Variants in OTX1 observed in about 807,000 individuals in gnomAD.
OTX1 encodes the protein orthodenticle homeobox 1.
In OTX1, 7 loss-of-function variants were observed where a neutral mutation model predicts 26.7. That is an observed-to-expected ratio of 0.26 (90% confidence interval 0.15 to 0.49). The LOEUF (loss-of-function observed/expected upper bound fraction) is 0.49. OTX1 is among the 20% of genes least tolerant of loss of function. The pLI is 0.98. For missense variants in OTX1, 414 were observed against 483.8 expected (o/e 0.86, Z 1.35); for synonymous variants, 216 against 212.8 (o/e 1.01, Z -0.13).
chr2:63,056,190 T>A lies in OTX1; in HGVS notation c.939T>A (p.Ser313=). ...GTGGCTCTGGGCTTGCCTTCAACTC[T>A]GCCGACTGCTTGGATTACAAGGAGC... The part of the protein sequence containing the change: ...GYGGSGLAFN[S]ADCLDYKEPG... Residue 313 remains serine (S), a synonymous_variant, in exon 5 of 5, where the codon TCT becomes TCA. Transcript: ENST00000282549. 1 of 1,614,088 alleles carries A rather than the reference T, an allele frequency of 6.2e-7. No homozygotes were observed. Among genetic ancestry groups the A allele is most frequent in the Non-Finnish European group, 8.5e-7 (1 of 1,180,014 alleles).
At chr2:63,050,490 G>A (rs555606909), upstream of OTX1, among the ~76,000 whole-genome samples, 18 of 152,288 alleles carry the variant, frequency 1.2e-4, no homozygotes, top group South Asian at 2.7e-3. Flanking sequence ...CCGGAGCGCC[G>A]AGAGCGCGAG....
intron 4 of OTX1, 129 bp downstream of exon 4, chr2:63,054,327 C>G (rs1379807864): frequency 2.3e-6 from 2 of 870,382 alleles, no homozygotes; most frequent in African/African-American, 1.8e-5. Flanking sequence ...TGGGCAGCCG[C>G]TCTCGGACTC....
chr2:63,053,713 TGTGTGCGTGTGTGTGC>T (rs2062043852), intron 3 of OTX1, among the ~76,000 whole-genome samples: 2 of 151,950 alleles, frequency 1.3e-5, no homozygotes, highest in East Asian at 1.9e-4. Flanking sequence ...CCAGAGTGTG[TGTGTGCGTGTGTGTGC>T]GTGTGCGTGT....
rs1234043060 is a variant in OTX1, at chr2:63,055,549, G to A, written c.298G>A (p.Gly100Arg). Residue 100 changes from glycine to arginine, a missense_variant, in exon 5 of 5, where the codon GGG becomes AGG. Physicochemically the swap from Gly to Arg is moderately radical, Grantham distance 125. Around this residue, in one of 3 missense-constraint regions of OTX1, gnomAD observed 320 missense variants for 347.9 expected, o/e 0.92. Transcript: ENST00000282549. The surrounding 1 kb of genome is among the most constrained non-coding windows in gnomAD (Gnocchi z 5.2). The part of the protein sequence containing the change: ...RAKCRQQQQS[G>R]SGTKSRPAKK... ...CAAATGCCGCCAGCAGCAGCAGAGC[G>A]GGAGCGGAACCAAGAGCCGCCCAGC... is the stretch of plus-strand genomic sequence containing the variant. 2 of 1,614,130 alleles carry A rather than the reference G, an allele frequency of 1.2e-6. No homozygotes were observed. The highest frequency in any genetic ancestry group is 1.7e-5 in the Admixed American group (1 of 60,022).
In OTX1 at chr2:63,055,585, T is replaced by A; in HGVS notation, c.334T>A (p.Ser112Thr). The A allele has an allele frequency of 6.2e-7, 1 of 1,613,940 alleles. No individual in the cohort carries two copies. The stretch of plus-strand genomic sequence containing the variant: ...CAAGAGCCGCCCAGCCAAGAAGAAG[T>A]CCTCTCCAGTGCGGGAGAGCTCGGG... ...GTKSRPAKKK[S>T]SPVRESSGSE... The change falls in exon 5 of 5, where the codon TCC becomes ACC. Residue 112 changes from serine to threonine, a missense_variant. By Grantham distance (58) the Ser-to-Thr change is moderately conservative. This residue lies in a region of OTX1 where 320 missense variants were observed against 347.9 expected (regional missense o/e 0.92). Transcript: ENST00000282549. The surrounding 1 kb of genome is among the most constrained non-coding windows in gnomAD (Gnocchi z 5.2).
Position 63,054,088 on chromosome 2 carries a change from C to G in OTX1, c.139C>G (p.Arg47Gly). The G allele has an allele frequency of 6.2e-7, 1 of 1,612,086 alleles. No individual in the cohort carries two copies. Among genetic ancestry groups the G allele is most frequent in the Admixed American group, 1.7e-5 (1 of 59,870 alleles). The change falls in exon 4 of 5, where the codon CGT becomes GGT. Residue 47 changes from arginine (R) to glycine (G), a missense_variant. Transcript: ENST00000282549. ...GCGGCGGGAGCGCACCACCTTCACGCGTTCACAGCTGGACGTGCTCGAGGC... is the reference window on the plus strand; with the variant it reads ...GCGGCGGGAGCGCACCACCTTCACGGGTTCACAGCTGGACGTGCTCGAGGC... ...KQRRERTTFT[R>G]SQLDVLEALF...
At chr2:63,052,808 T>C in intron 2 of OTX1, 72 bp from the exon 3 acceptor site, 1 of 558,218 alleles carries the variant, frequency 1.8e-6, no homozygotes, top group Non-Finnish European at 3.1e-6. Context: ...GCCTTCCCTG[T>C]CTATCCCGGG....
intron 4 of OTX1, among the ~76,000 whole-genome samples, chr2:63,054,465 G>A (rs939746869): frequency 2.6e-5 from 4 of 152,242 alleles, no homozygotes; most frequent in Admixed American, 2.6e-4. Flanking sequence ...TAGAATTGCC[G>A]GAGGACTAGG....
At position 63,053,032 on chromosome 2, in the gene OTX1, G is replaced by A. The variant is rs1415970628; in HGVS notation, c.42G>A (p.Gly14=). The A allele has an allele frequency of 1.2e-6, 2 of 1,607,482 alleles. No individual in the cohort carries two copies. Among genetic ancestry groups the A allele is most frequent in the South Asian group, 1.1e-5 (1 of 90,974 alleles). The change falls in exon 3 of 5, where the codon GGG becomes GGA. Residue 14 remains glycine (G), a synonymous_variant. Coordinates refer to ENST00000282549, the MANE Select transcript of OTX1 (RefSeq NM_014562.4). ...YLKQPPYGMN[G]LGLAGPAMDL... ...AACAACCCCCATACGGCATGAACGG[G>A]CTGGGCCTGGCCGGGCCCGCCATGG...
upstream of OTX1, among the ~76,000 whole-genome samples, chr2:63,050,547 C>T (rs1035178798): frequency 6.6e-6 from 1 of 152,052 alleles, no homozygotes; most frequent in African/African-American, 2.4e-5. Context: ...CGGCCCCCTC[C>T]GCGGCCAGGA....
chr2:63,056,191 G>A lies in OTX1; in HGVS notation c.940G>A (p.Ala314Thr), dbSNP rs370605334. The part of the protein sequence containing the change: ...YGGSGLAFNS[A>T]DCLDYKEPGA... ...TGGCTCTGGGCTTGCCTTCAACTCTGCCGACTGCTTGGATTACAAGGAGCC... is the reference window on the plus strand; with the variant it reads ...TGGCTCTGGGCTTGCCTTCAACTCTACCGACTGCTTGGATTACAAGGAGCC... The change falls in exon 5 of 5, where the codon GCC becomes ACC. Residue 314 changes from alanine (A) to threonine (T), a missense_variant. By Grantham distance (58) the Ala-to-Thr change is moderately conservative. Coordinates refer to ENST00000282549, the MANE Select transcript of OTX1 (RefSeq NM_014562.4). 2 of 1,613,898 alleles carry A rather than the reference G, an allele frequency of 1.2e-6. No homozygotes were observed. The highest frequency in any genetic ancestry group is 1.7e-6 in the Non-Finnish European group (2 of 1,180,034).
Position 63,054,052 on chromosome 2 carries a change from C to T in OTX1, c.103C>T (p.Pro35Ser), listed in dbSNP as rs1333803178. 1.2e-6 allele frequency: 2 copies of T among 1,610,678 alleles called. No homozygotes were observed. The highest frequency in any genetic ancestry group is 1.7e-6 in the Non-Finnish European group (2 of 1,178,460). The change falls in exon 4 of 5, where the codon CCG becomes TCG. Residue 35 changes from proline (P) to serine (S), a missense_variant. Coordinates refer to ENST00000282549, the MANE Select transcript of OTX1 (RefSeq NM_014562.4). ...GCCCCCGCGTGTCCCCGCAGCCACT[C>T]CGCGGAAGCAGCGGCGGGAGCGCAC... ...LHPSVGYPAT[P>S]RKQRRERTTF...
chr2:63,050,637 G>A (rs955289228), upstream of OTX1: 26 of 151,704 alleles, frequency 1.7e-4, no homozygotes, highest in Non-Finnish European at 3.2e-4. Flanking sequence ...GCGCGACCGG[G>A]GCGGGGCGGG....
chr2:63,053,259 C>G, intron 3 of OTX1, 172 bp downstream of exon 3: 2 of 504,544 alleles, frequency 4.0e-6, no homozygotes, highest in Non-Finnish European at 6.9e-6. Context: ...GGGGCAGAGT[C>G]GTGGGCGTGT....
chr2:63,055,979 T>G lies in OTX1; in HGVS notation c.728T>G (p.Phe243Cys), dbSNP rs2062064013. ...TACCCTACGCCCTCCTCTTCCTACTTTGGCGGCGTGGACTGCAGCTCATAC... is the reference window on the plus strand; with the variant it reads ...TACCCTACGCCCTCCTCTTCCTACTGTGGCGGCGTGGACTGCAGCTCATAC... ...QGYPTPSSSY[F>C]GGVDCSSYLA... The change falls in exon 5 of 5, where the codon TTT becomes TGT. Residue 243 changes from phenylalanine to cysteine, a missense_variant. This residue lies in a region of OTX1 where 320 missense variants were observed against 347.9 expected (regional missense o/e 0.92). Coordinates refer to ENST00000282549, the MANE Select transcript of OTX1 (RefSeq NM_014562.4). This position sits in a 1 kb window ranked among gnomAD's most constrained non-coding sequence, Gnocchi z 5.2. The G allele has an allele frequency of 6.2e-7, 1 of 1,613,646 alleles. No homozygotes were observed. The highest frequency in any genetic ancestry group is 8.5e-7 in the Non-Finnish European group (1 of 1,180,028).
rs774569266 is a variant in OTX1 at position 63,054,216 on chromosome 2, T to A, written c.249+18T>A. On this transcript the variant is annotated intron_variant, in intron 4 of 4. Transcript: ENST00000282549. ...GAGTCCAGGTGCGCACTCCCCGGGC[T>A]CCAGGGTCTGGGTAGGGGAGCTGAG... is the stretch of plus-strand genomic sequence containing the variant. The A allele has an allele frequency of 6.4e-7, 1 of 1,572,986 alleles. No homozygotes were observed. The highest frequency in any genetic ancestry group is 2.3e-5 in the East Asian group (1 of 43,920).
intron 2 of OTX1, chr2:63,052,350 G>A (rs1186594657): frequency 6.6e-6 from 1 of 152,610 alleles, no homozygotes; most frequent in Admixed American, 6.5e-5. Context: ...TGCGGGATCT[G>A]GGGCAGGGGC....
Position 63,055,384 on chromosome 2 carries a change from G to A in OTX1, c.250-117G>A. 4.5e-6 allele frequency: 5 copies of A among 1,113,116 alleles called. No homozygotes were observed. Among genetic ancestry groups the A allele is most frequent in the Middle Eastern group, 3.0e-4 (1 of 3,282 alleles). 69.0% of individuals were successfully genotyped at this position (1,113,116 alleles called of 1,614,324 possible). A position where few individuals can be genotyped will look rare whatever the true frequency, so the allele number is the denominator to read the frequency against. On this transcript the variant is annotated intron_variant, in intron 4 of 4. Transcript: ENST00000282549. The surrounding 1 kb of genome is among the most constrained non-coding windows in gnomAD (Gnocchi z 5.2). The stretch of plus-strand genomic sequence containing the variant: ...CAGGCCAGAGACAGGAAGGGGCGGA[G>A]GCCTCGGTGAGAAAGGATTGCGATA...
intron 4 of OTX1, 36 bp downstream of exon 4, chr2:63,054,234 G>A: frequency 7.8e-6 from 12 of 1,536,562 alleles, no homozygotes; most frequent in South Asian, 1.3e-5. Flanking sequence ...CTGGGTAGGG[G>A]AGCTGAGGCT....
Sources: allele counts gnomAD v4.1 joint callset (sites outside exome capture counted in the v4.1 genomes callset), GRCh38; gene constraint gnomAD v4.1.1; regional missense constraint gnomAD v4.1.1; non-coding constraint Gnocchi (gnomAD v3.1); transcripts MANE v1.5; gene names NCBI Gene and HGNC (gene_info 2026-07-23, HGNC 2026-07-21).